Variants in NCEH1 observed in about 807,000 individuals in gnomAD.
The protein encoded by NCEH1 is neutral cholesterol ester hydrolase 1.
NCEH1 carries 9 observed loss-of-function variants against 25.4 expected under a neutral mutation model. The observed-to-expected ratio is 0.35, with a 90% CI of 0.21 to 0.62. NCEH1 has a LOEUF of 0.62. Among genes scored for constraint, NCEH1 ranks in the 20% least tolerant of loss-of-function variants. NCEH1 has a pLI of 0.72. For missense variants in NCEH1, 412 were observed against 501.1 expected, an observed-to-expected ratio of 0.82 and a Z score of 1.70; for synonymous variants, 200 against 199.8, an observed-to-expected ratio of 1.00 and a Z score of -0.01.
chr3:172,641,323 CAT>C (rs1716842044), intron 3 of NCEH1, among the ~76,000 whole-genome samples: 1 of 152,154 alleles, frequency 6.6e-6, no homozygotes, highest in African/African-American at 2.4e-5. Context: ...GAGTAGGAGA[CAT>C]AGCTTTTACG....
chr3:172,637,382 A>G (rs1716641221), intron 3 of NCEH1, among the ~76,000 whole-genome samples: 1 of 152,250 alleles, frequency 6.6e-6, no homozygotes, highest in Non-Finnish European at 1.5e-5. Flanking sequence ...CCATCTTATA[A>G]TTAGCATACT....
chr3:172,700,976 G>T (rs542689885), intron 1 of NCEH1, among the ~76,000 whole-genome samples: 2 of 152,152 alleles, frequency 1.3e-5, no homozygotes, highest in African/African-American at 4.8e-5. Context: ...TTTCTCTCAG[G>T]GATAGCCTCT....
intron 1 of NCEH1, among the ~76,000 whole-genome samples, chr3:172,658,874 T>C (rs969228953): frequency 9.3e-6 from 1 of 107,832 alleles, no homozygotes; most frequent in Non-Finnish European, 1.8e-5. Flanking sequence ...TTTTTTACTA[T>C]CAACACAGAA....
intron 1 of NCEH1, among the ~76,000 whole-genome samples, chr3:172,695,686 G>A (rs1466674098): frequency 1.3e-5 from 2 of 152,186 alleles, no homozygotes; most frequent in African/African-American, 4.8e-5. Flanking sequence ...GCTCACGTCT[G>A]TAGTCCCAGC....
chr3:172,661,154 C>G (rs1717953996), intron 1 of NCEH1, among the ~76,000 whole-genome samples: 1 of 151,988 alleles, frequency 6.6e-6, no homozygotes, highest in South Asian at 2.1e-4. Flanking sequence ...TTTTGTATAA[C>G]ATGTAAGGAA....
chr3:172,655,823 A>C (rs1717666966), intron 1 of NCEH1, among the ~76,000 whole-genome samples: 1 of 152,194 alleles, frequency 6.6e-6, no homozygotes, highest in Non-Finnish European at 1.5e-5. Flanking sequence ...AAGTTGAATA[A>C]AATTAAAAAA....
At chr3:172,677,094 A>G (rs1279278155) in intron 1 of NCEH1, among the ~76,000 whole-genome samples, 2 of 152,200 alleles carry the variant, frequency 1.3e-5, no homozygotes, top group African/African-American at 4.8e-5. Context: ...GACTAAAAGC[A>G]GCACAGAAGA....
intron 1 of NCEH1, among the ~76,000 whole-genome samples, chr3:172,682,808 A>G (rs1360091129): frequency 6.6e-6 from 1 of 152,222 alleles, no homozygotes; most frequent in Non-Finnish European, 1.5e-5. Flanking sequence ...CACAGAATGC[A>G]GCAAATTCTC....
At chr3:172,684,985 C>A (rs1358483019) in intron 1 of NCEH1, among the ~76,000 whole-genome samples, 2 of 148,230 alleles carry the variant, frequency 1.3e-5, no homozygotes, top group Non-Finnish European at 2.9e-5. Context: ...ATCCCCCACT[C>A]CCATCCCCAA....
chr3:172,660,133 T>TCC (rs1443408822), intron 1 of NCEH1, among the ~76,000 whole-genome samples: 2 of 100,548 alleles, frequency 2.0e-5, no homozygotes, highest in African/African-American at 7.0e-5. Flanking sequence ...CCCTCCCCCC[T>TCC]CCCCACGACA....
intron 1 of NCEH1, among the ~76,000 whole-genome samples, chr3:172,658,750 T>C (rs1439082984): frequency 6.6e-6 from 1 of 151,838 alleles, no homozygotes; most frequent in Non-Finnish European, 1.5e-5. Context: ...CTAAAACATT[T>C]GGTTTTTTTC....
rs191771655 is a variant in NCEH1, at chr3:172,632,663, T to G, written c.*812A>C. The G allele has an allele frequency of 2.0e-5, 3 of 152,620 alleles. No homozygotes were observed. Among genetic ancestry groups the G allele is most frequent in the Non-Finnish European group, 4.4e-5 (3 of 68,032 alleles). 9.5% of individuals were successfully genotyped at this position (152,620 alleles called of 1,614,324 possible). A position where few individuals can be genotyped will look rare whatever the true frequency, so the allele number is the denominator to read the frequency against. On this transcript the variant is annotated 3_prime_UTR_variant, in exon 5 of 5. Transcript: ENST00000475381. ...GAAACACTAGGTTGTTTCATTTGTC[T>G]GTTTTTACTTGCTCTATAATGAAAA... is the stretch of plus-strand genomic sequence containing the variant.
At chr3:172,648,281 T>C (rs1360531154) in intron 1 of NCEH1, among the ~76,000 whole-genome samples, 167 bp from the exon 2 acceptor site, 1 of 152,212 alleles carries the variant, frequency 6.6e-6, no homozygotes, top group African/African-American at 2.4e-5. Context: ...CCTTTTGCTT[T>C]TGGACAAAAT....
intron 1 of NCEH1, among the ~76,000 whole-genome samples, chr3:172,653,744 G>GTTGTTGCTTTTTTTT (rs1717534237): frequency 1.1e-4 from 11 of 95,658 alleles, no homozygotes; most frequent in African/African-American, 4.2e-4. Context: ...TGTTTTTTTT[G>GTTGTTGCTTTTTTTT]TTTTTTTGTT....
At chr3:172,649,058 T>G (rs907062805) in intron 1 of NCEH1, among the ~76,000 whole-genome samples, 1 of 152,132 alleles carries the variant, frequency 6.6e-6, no homozygotes, top group Non-Finnish European at 1.5e-5. Context: ...CAGGACTATA[T>G]GATGTCTGCG....
At chr3:172,656,701 G>A (rs1390638297) in intron 1 of NCEH1, among the ~76,000 whole-genome samples, 1 of 152,116 alleles carries the variant, frequency 6.6e-6, no homozygotes, top group African/African-American at 2.4e-5. Context: ...GGGAGGCAGA[G>A]ACTTGCAGTG....
At chr3:172,701,582 T>C (rs929434539) in intron 1 of NCEH1, among the ~76,000 whole-genome samples, 3 of 150,456 alleles carry the variant, frequency 2.0e-5, no homozygotes, top group African/African-American at 7.4e-5. Flanking sequence ...CCCGAGTAGC[T>C]GGGACTACAG....
chr3:172,637,928 T>C (rs1716667150), intron 3 of NCEH1, among the ~76,000 whole-genome samples: 1 of 150,996 alleles, frequency 6.6e-6, no homozygotes, highest in African/African-American at 2.4e-5. Context: ...GCACCTGTAA[T>C]CCCAGCTAGT....
intron 1 of NCEH1, among the ~76,000 whole-genome samples, chr3:172,671,540 T>C (rs1483344784): frequency 1.5e-5 from 2 of 137,240 alleles, no homozygotes; most frequent in African/African-American, 2.8e-5. Context: ...TATATAGATA[T>C]ATATACAAAT....
Sources: allele counts gnomAD v4.1 joint callset (sites outside exome capture counted in the v4.1 genomes callset), GRCh38; gene constraint gnomAD v4.1.1; transcripts MANE v1.5; gene names NCBI Gene and HGNC (gene_info 2026-07-23, HGNC 2026-07-21).